NIPA1: variants seen among roughly 807,000 people sequenced by gnomAD.
NIPA1 encodes the protein magnesium transporter NIPA1.
A neutral mutation model predicts 23.9 loss-of-function variants in NIPA1; 13 were observed. The ratio of observed to expected loss-of-function variants is 0.54; its 90% confidence interval spans 0.35 to 0.87. The LOEUF (loss-of-function observed/expected upper bound fraction) is 0.87, where lower values mean the gene tolerates loss of function less well. NIPA1 is among the 40% of genes least tolerant of loss of function. The probability of loss-of-function intolerance (pLI) is 0.01; values close to 1 mark genes in which losing one functional copy is unlikely to be tolerated. For synonymous variants in NIPA1, 234 were observed against 202.9 expected, an observed-to-expected ratio of 1.15 and a Z score of -1.30; for missense variants, 362 against 429.7, an observed-to-expected ratio of 0.84 and a Z score of 1.39.
At chr15:22,792,507 C>T (rs1033843211) in intron 1 of NIPA1, among the ~76,000 whole-genome samples, 10 of 152,090 alleles carry the variant, frequency 6.6e-5, no homozygotes, top group African/African-American at 1.9e-4. Flanking sequence ...TACAGATGCC[C>T]GCCACCACAC....
rs771487226 is a variant in NIPA1 at position 22,810,787 on chromosome 15, A to G, written c.217A>G (p.Thr73Ala). 6.2e-7 allele frequency: 1 copy of G among 1,610,070 alleles called. No individual in the cohort carries two copies. The highest frequency in any genetic ancestry group is 2.2e-5 in the East Asian group (1 of 44,866). Residue 73 changes from threonine to alanine, a missense_variant, in exon 2 of 5, where the codon ACA (threonine) becomes GCA (alanine). Thr to Ala is a moderately conservative substitution (Grantham distance 58). Coordinates refer to ENST00000337435, the MANE Select transcript of NIPA1 (RefSeq NM_144599.5). ...YLTDIVWWAG[T>A]IAMAVGQIGN... ...AACAGACATTGTGTGGTGGGCTGGC[A>G]CAATCGCAAGTAAGTAGCCTGTGTG...
intron 4 of NIPA1, among the ~76,000 whole-genome samples, chr15:22,823,486 C>T (rs1374303952): frequency 6.6e-6 from 1 of 152,222 alleles, no homozygotes; most frequent in Non-Finnish European, 1.5e-5. Context: ...AGGCATGAGC[C>T]ACCGCGTCTG....
At chr15:22,795,072 G>A (rs1894913346) in intron 1 of NIPA1, among the ~76,000 whole-genome samples, 1 of 152,110 alleles carries the variant, frequency 6.6e-6, no homozygotes, top group African/African-American at 2.4e-5. Flanking sequence ...TTTTATGAAA[G>A]GATTTCGGAG....
chr15:22,799,604 A>C (rs1895023415), intron 1 of NIPA1, among the ~76,000 whole-genome samples: 1 of 152,056 alleles, frequency 6.6e-6, no homozygotes, highest in Non-Finnish European at 1.5e-5. Context: ...AACACGGTGA[A>C]ACCCCATCTC....
chr15:22,816,486 CTTTTTTT>C (rs71117480), intron 3 of NIPA1, among the ~76,000 whole-genome samples: 1 of 42,268 alleles, frequency 2.4e-5, no homozygotes, highest in African/African-American at 1.1e-4. Flanking sequence ...CGCACCCAGC[CTTTTTTT>C]TTTTTTTTTT....
chr15:22,805,693 AAAAG>A (rs1278756328), intron 1 of NIPA1, among the ~76,000 whole-genome samples: 2 of 152,138 alleles, frequency 1.3e-5, no homozygotes, highest in African/African-American at 4.8e-5. Context: ...CTCAAAAAGA[AAAAG>A]AAAAAGAAAA....
At chr15:22,794,184 T>C (rs1894895486) in intron 1 of NIPA1, among the ~76,000 whole-genome samples, 1 of 151,998 alleles carries the variant, frequency 6.6e-6, no homozygotes, top group Non-Finnish European at 1.5e-5. Flanking sequence ...AACTGAAGGA[T>C]GATAGCAAAA....
intron 1 of NIPA1, among the ~76,000 whole-genome samples, chr15:22,809,400 G>C (rs1328873760): frequency 6.6e-6 from 1 of 151,676 alleles, no homozygotes; most frequent in East Asian, 1.9e-4. Context: ...AAAAGGAAAA[G>C]GAAAAAAGAA....
chr15:22,821,945 C>T (rs1192196079), intron 4 of NIPA1, among the ~76,000 whole-genome samples: 1 of 152,176 alleles, frequency 6.6e-6, no homozygotes, highest in Non-Finnish European at 1.5e-5. Flanking sequence ...TAAAACAAAA[C>T]ATCCCTTTCA....
intron 4 of NIPA1, among the ~76,000 whole-genome samples, chr15:22,823,383 G>A (rs539742818): frequency 2.2e-4 from 34 of 151,930 alleles, no homozygotes; most frequent in Non-Finnish European, 4.1e-4. Flanking sequence ...TGTACTTTTA[G>A]TAGAGACGGG....
chr15:22,791,931 C>T (rs899514929), intron 1 of NIPA1, among the ~76,000 whole-genome samples: 5 of 152,118 alleles, frequency 3.3e-5, no homozygotes, highest in Non-Finnish European at 5.9e-5. Context: ...ACAGCATAGG[C>T]TCGGATGGGG....
intron 1 of NIPA1, among the ~76,000 whole-genome samples, chr15:22,788,199 C>T (rs548579038): frequency 6.6e-6 from 1 of 152,116 alleles, no homozygotes; most frequent in African/African-American, 2.4e-5. Context: ...CCACACAAAC[C>T]GGAGTAGAAG....
At chr15:22,808,638 C>T (rs1376537919) in intron 1 of NIPA1, among the ~76,000 whole-genome samples, 1 of 150,364 alleles carries the variant, frequency 6.7e-6, no homozygotes, top group African/African-American at 2.5e-5. Context: ...TGATTCTTGC[C>T]TAAATCAGTT....
chr15:22,788,709 G>A lies in NIPA1; in HGVS notation c.178+1875G>A, dbSNP rs537273677. Among the ~76,000 whole-genome samples the A allele has an allele frequency of 1.7e-3, 263 of 151,768 alleles. 1 individual carries two copies. Among genetic ancestry groups the A allele is most frequent in the African/African-American group, 6.2e-3 (258 of 41,430 alleles). On this transcript the variant is annotated intron_variant, in intron 1 of 4. Transcript: ENST00000337435. ...GTGTTATTTCAACCCAGGTCATGTGGCTCAAAGGAATTGGTGAATAGGAAA... is the reference window on the plus strand; with the variant it reads ...GTGTTATTTCAACCCAGGTCATGTGACTCAAAGGAATTGGTGAATAGGAAA...
At chr15:22,790,422 C>CT (rs201663769) in intron 1 of NIPA1, among the ~76,000 whole-genome samples, 2,489 of 133,298 alleles carry the variant, frequency 0.019, 66 homozygotes, top group African/African-American at 0.061. Flanking sequence ...TCCCAAAGTG[C>CT]TTTTTTTTTT....
chr15:22,792,635 C>T (rs1894857233), intron 1 of NIPA1, among the ~76,000 whole-genome samples: 1 of 152,156 alleles, frequency 6.6e-6, no homozygotes, highest in Non-Finnish European at 1.5e-5. Context: ...TGGGCTCCCA[C>T]TGTGCCCAGC....
chr15:22,800,607 A>G (rs1267295815), intron 1 of NIPA1, among the ~76,000 whole-genome samples: 6 of 152,006 alleles, frequency 3.9e-5, no homozygotes, highest in African/African-American at 1.4e-4. Context: ...AGCCTGACCA[A>G]CATGGTGAAG....
At chr15:22,788,898 G>T (rs1894768167) in intron 1 of NIPA1, among the ~76,000 whole-genome samples, 1 of 83,820 alleles carries the variant, frequency 1.2e-5, no homozygotes, top group Non-Finnish European at 2.3e-5. Flanking sequence ...CAGCCCGAGC[G>T]AGAAGAACAA....
intron 1 of NIPA1, among the ~76,000 whole-genome samples, chr15:22,800,788 G>A (rs889347619): frequency 4.6e-5 from 7 of 152,008 alleles, no homozygotes; most frequent in African/African-American, 9.7e-5. Flanking sequence ...AAATTTAGCC[G>A]GACGTGGTGG....
Sources: allele counts gnomAD v4.1 joint callset (sites outside exome capture counted in the v4.1 genomes callset), GRCh38; gene constraint gnomAD v4.1.1; transcripts MANE v1.5; gene names NCBI Gene and HGNC (gene_info 2026-07-23, HGNC 2026-07-21).